Variants in ANO6 observed in about 807,000 individuals in gnomAD.
ANO6 encodes the protein anoctamin-6.
Under a neutral mutation model 117.5 loss-of-function variants are expected in ANO6, and 106 were observed. That is an observed-to-expected ratio of 0.90 (90% CI 0.77 to 1.06). The LOEUF is 1.06. Among genes scored for constraint, ANO6 ranks in the 50% least tolerant of loss-of-function variants. ANO6 has a pLI of 0.00. For missense variants in ANO6, 955 were observed against 1,121.1 expected, an observed-to-expected ratio of 0.85 and a Z score of 2.12; for synonymous variants, 367 against 385.1, an observed-to-expected ratio of 0.95 and a Z score of 0.55.
At chr12:45,404,123 A>G (rs1450500593) in intron 15 of ANO6, among the ~76,000 whole-genome samples, 2 of 152,240 alleles carry the variant, frequency 1.3e-5, no homozygotes, top group African/African-American at 4.8e-5. Context: ...CCATGAGTAC[A>G]AACTTTTAAG....
chr12:45,241,045 G>A (rs1947735099), intron 1 of ANO6, among the ~76,000 whole-genome samples: 1 of 151,716 alleles, frequency 6.6e-6, no homozygotes, highest in African/African-American at 2.4e-5. Context: ...TGCTCTTCTT[G>A]AGGAGTATCT....
At chr12:45,301,309 T>C (rs1035515587) in intron 1 of ANO6, among the ~76,000 whole-genome samples, 1 of 152,086 alleles carries the variant, frequency 6.6e-6, no homozygotes, top group Non-Finnish European at 1.5e-5. Context: ...AGATTTAAAA[T>C]AGCCAGGCAT....
At position 45,293,958 on chromosome 12, in the gene ANO6, G is replaced by A. The variant is rs1939204988; in HGVS notation, c.71-8056G>A. On this transcript the variant is annotated intron_variant, in intron 1 of 19. Transcript: ENST00000320560. ...TATAATAATGTGGCAGGTTTTACTAGACATCCAAATTAGTGCTATAGGAGC... is the reference window on the plus strand; with the variant it reads ...TATAATAATGTGGCAGGTTTTACTAAACATCCAAATTAGTGCTATAGGAGC... 3.9e-5 allele frequency among the ~76,000 whole-genome samples: 6 copies of A among 151,994 alleles called. No individual in the cohort carries two copies. The South Asian group carries it at 1.2e-3, about 32-fold the overall frequency.
At chr12:45,307,126 G>A (rs1296462118) in intron 2 of ANO6, among the ~76,000 whole-genome samples, 1 of 152,150 alleles carries the variant, frequency 6.6e-6, no homozygotes, top group African/African-American at 2.4e-5. Context: ...GAGTTGGGAA[G>A]TCATTTGAGG....
Position 45,428,654 on chromosome 12 carries a change from G to A in ANO6, c.2527-451G>A, listed in dbSNP as rs543895531. Among the ~76,000 whole-genome samples the A allele has an allele frequency of 7.2e-5, 11 of 152,176 alleles. No homozygotes were observed. In the South Asian group the frequency reaches 8.3e-4, roughly 12 times the overall value. On this transcript the variant is annotated intron_variant, in intron 19 of 19. Coordinates refer to ENST00000320560, the MANE Select transcript of ANO6 (RefSeq NM_001025356.3). ...TGAAGTCAAGGAAGACTATATTTTG[G>A]GGGTATATATACATATTTTGTCAAA...
At chr12:45,436,659 T>C (rs78202518), downstream of ANO6, among the ~76,000 whole-genome samples, 1,612 of 152,252 alleles carry the variant, frequency 0.011, 44 homozygotes, top group African/African-American at 0.037. Flanking sequence ...ATGTTTAATA[T>C]AAAATAACAA....
At chr12:45,292,101 A>G (rs1423547796) in intron 1 of ANO6, among the ~76,000 whole-genome samples, 1 of 152,224 alleles carries the variant, frequency 6.6e-6, no homozygotes, top group African/African-American at 2.4e-5. Context: ...ACAGCGTAGT[A>G]TATCTGTACA....
At chr12:45,423,095 G>A (rs1248514191) in intron 19 of ANO6, 33 bp downstream of exon 19, 2 of 1,519,652 alleles carry the variant, frequency 1.3e-6, no homozygotes, top group East Asian at 2.3e-5. Context: ...CAGTTTATAA[G>A]GATGTGTATT....
At chr12:45,373,804 G>A (rs901626690) in intron 9 of ANO6, among the ~76,000 whole-genome samples, 52 of 151,810 alleles carry the variant, frequency 3.4e-4, no homozygotes, top group African/African-American at 9.4e-4. Context: ...TAAAAGAACT[G>A]GAAAAGCAAG....
At chr12:45,341,825 T>C (rs1368413758) in intron 3 of ANO6, among the ~76,000 whole-genome samples, 1 of 152,134 alleles carries the variant, frequency 6.6e-6, no homozygotes, top group East Asian at 1.9e-4. Context: ...GATGAGCCTC[T>C]AAGCCCTGCA....
chr12:45,377,040 G>A (rs1429966746), intron 9 of ANO6, among the ~76,000 whole-genome samples: 1 of 151,892 alleles, frequency 6.6e-6, no homozygotes, highest in Non-Finnish European at 1.5e-5. Context: ...ATAGATGAAG[G>A]TTTATCCACT....
intron 2 of ANO6, among the ~76,000 whole-genome samples, chr12:45,320,658 A>G (rs1940230491): frequency 6.6e-6 from 1 of 152,148 alleles, no homozygotes; most frequent in East Asian, 1.9e-4. Flanking sequence ...AGCTGAATTC[A>G]GTTCCTGGAT....
chr12:45,343,130 T>G (rs1458307945), intron 3 of ANO6, among the ~76,000 whole-genome samples: 1 of 152,056 alleles, frequency 6.6e-6, no homozygotes, highest in Non-Finnish European at 1.5e-5. Context: ...AGCTCCCTAG[T>G]GGATAGCTAG....
intron 9 of ANO6, among the ~76,000 whole-genome samples, chr12:45,369,767 T>C (rs1175348383): frequency 6.6e-6 from 1 of 152,202 alleles, no homozygotes; most frequent in East Asian, 1.9e-4. Flanking sequence ...GCTTACCTTT[T>C]AGCAAATTAA....
At chr12:45,395,198 G>A (rs1207153878) in intron 12 of ANO6, among the ~76,000 whole-genome samples, 2 of 152,126 alleles carry the variant, frequency 1.3e-5, no homozygotes, top group African/African-American at 2.4e-5. Flanking sequence ...TACCATCAGA[G>A]AATACTATAA....
chr12:45,233,840 T>A lies in ANO6; in HGVS notation c.70+17449T>A, dbSNP rs138739198. Among the ~76,000 whole-genome samples, 65 of 152,340 alleles carry A rather than the reference T, an allele frequency of 4.3e-4. No homozygotes were observed. In the South Asian group the frequency reaches 6.0e-3, roughly 14 times the overall value. On this transcript the variant is annotated intron_variant, in intron 1 of 19. Transcript: ENST00000320560. ...CTCCATAAATTGATTTTGCCCATTC[T>A]TGAGCTTCGTTCTAAAGAAATCATG...
At chr12:45,411,856 G>T (rs888790692) in intron 16 of ANO6, among the ~76,000 whole-genome samples, 2 of 152,172 alleles carry the variant, frequency 1.3e-5, no homozygotes, top group Non-Finnish European at 2.9e-5. Flanking sequence ...CTCTGTGCCT[G>T]CCTCTCTCCC....
chr12:45,231,048 A>G (rs988699066), intron 1 of ANO6, among the ~76,000 whole-genome samples: 2 of 152,170 alleles, frequency 1.3e-5, no homozygotes, highest in Non-Finnish European at 2.9e-5. Context: ...CGGAGACTGC[A>G]GTGAACCAAT....
At chr12:45,217,332 A>G (rs902913087) in intron 1 of ANO6, among the ~76,000 whole-genome samples, 2 of 152,178 alleles carry the variant, frequency 1.3e-5, no homozygotes, top group African/African-American at 2.4e-5. Context: ...ATGCCAAATC[A>G]ATTTTAAAGC....
Sources: allele counts gnomAD v4.1 joint callset (sites outside exome capture counted in the v4.1 genomes callset), GRCh38; gene constraint gnomAD v4.1.1; transcripts MANE v1.5; gene names NCBI Gene and HGNC (gene_info 2026-07-23, HGNC 2026-07-21).